The following ZCCHC7 variants were observed in gnomAD, a reference collection of about 807,000 sequenced individuals.
ZCCHC7 encodes the protein zinc finger CCHC-type containing 7.
A neutral mutation model predicts 52.0 loss-of-function variants in ZCCHC7; 35 were observed. The observed-to-expected ratio is 0.67, with a 90% confidence interval of 0.51 to 0.89. The LOEUF is 0.89. Among genes scored for constraint, ZCCHC7 ranks in the 40% least tolerant of loss-of-function variants. The pLI is 0.00. For synonymous variants in ZCCHC7, 217 were observed against 221.5 expected, an observed-to-expected ratio of 0.98 and a Z score of 0.18; for missense variants, 574 against 649.1, an observed-to-expected ratio of 0.88 and a Z score of 1.26.
chr9:37,354,054 G>A lies in ZCCHC7; in HGVS notation c.1084-656G>A, dbSNP rs1050114675. The stretch of plus-strand genomic sequence containing the variant: ...GTCATGAGAGTAGGAAGCTGTCCTG[G>A]GAAAATGAGTAAGAGTAGGGATTTC... On this transcript the variant is annotated intron_variant, in intron 7 of 8. Coordinates refer to ENST00000336755, the MANE Select transcript of ZCCHC7 (RefSeq NM_032226.3). This position sits in a 1 kb window ranked among gnomAD's most constrained non-coding sequence, Gnocchi z 4.0. Among the ~76,000 whole-genome samples, 1 of 152,098 alleles carries A rather than the reference G, an allele frequency of 6.6e-6. No homozygotes were observed. Among genetic ancestry groups the A allele is most frequent in the African/African-American group, 2.4e-5 (1 of 41,412 alleles).
chr9:37,129,734 T>G (rs759547407), intron 2 of ZCCHC7, among the ~76,000 whole-genome samples: 1 of 152,212 alleles, frequency 6.6e-6, no homozygotes, highest in Non-Finnish European at 1.5e-5. Context: ...AAAACTGCAG[T>G]ATGACATAAA....
At chr9:37,304,350 A>G in intron 4 of ZCCHC7, 37 bp downstream of exon 4, 1 of 1,606,310 alleles carries the variant, frequency 6.2e-7, no homozygotes, top group South Asian at 1.1e-5. Flanking sequence ...CCACATTTGT[A>G]AACTCAAAAT....
At chr9:37,310,613 TTATGAC>T (rs1829542647) in intron 5 of ZCCHC7, among the ~76,000 whole-genome samples, 1 of 152,170 alleles carries the variant, frequency 6.6e-6, no homozygotes, top group Non-Finnish European at 1.5e-5. Flanking sequence ...ATGCTATACT[TTATGAC>T]TATGTGGAGA....
intron 5 of ZCCHC7, among the ~76,000 whole-genome samples, chr9:37,316,975 GAATT>G (rs1410390510): frequency 6.6e-6 from 1 of 151,282 alleles, no homozygotes; most frequent in African/African-American, 2.4e-5. Flanking sequence ...CAAATGAAAT[GAATT>G]GTTTGTAGAA....
At chr9:37,250,300 C>CTT (rs1220457810) in intron 2 of ZCCHC7, among the ~76,000 whole-genome samples, 121 of 132,410 alleles carry the variant, frequency 9.1e-4, no homozygotes, top group African/African-American at 1.1e-3. Context: ...CTTTCTCTCT[C>CTT]TTTTTTTTTT....
Position 37,185,243 on chromosome 9 carries a change from C to A in ZCCHC7, c.610+58301C>A, listed in dbSNP as rs1425935922. 7.9e-5 allele frequency among the ~76,000 whole-genome samples: 12 copies of A among 152,280 alleles called. No individual in the cohort carries two copies. The East Asian group carries it at 2.3e-3, about 29-fold the overall frequency. On this transcript the variant is annotated intron_variant, in intron 2 of 8. Transcript: ENST00000336755. ...TCTCTTGCTATGTTAGGTACACATACTATAGGTGATCACCTCCTATCCCTT... is the reference window on the plus strand; with the variant it reads ...TCTCTTGCTATGTTAGGTACACATAATATAGGTGATCACCTCCTATCCCTT...
At chr9:37,259,531 C>T (rs1738755320) in intron 2 of ZCCHC7, among the ~76,000 whole-genome samples, 1 of 152,106 alleles carries the variant, frequency 6.6e-6, no homozygotes, top group African/African-American at 2.4e-5. Flanking sequence ...AGGCCTTGTA[C>T]TGATGCCACT....
At chr9:37,279,664 G>T (rs1376376870) in intron 2 of ZCCHC7, among the ~76,000 whole-genome samples, 1 of 150,932 alleles carries the variant, frequency 6.6e-6, no homozygotes, top group Non-Finnish European at 1.5e-5. Context: ...TTTGAGACAA[G>T]CCCAGGCAAC....
rs549683963 is a variant in ZCCHC7, at chr9:37,307,764, A to T, written c.951+2050A>T. Among the ~76,000 whole-genome samples the T allele has an allele frequency of 1.2e-4, 19 of 152,282 alleles. No homozygotes were observed. In the South Asian group the frequency reaches 3.7e-3, roughly 30 times the overall value. On this transcript the variant is annotated intron_variant, in intron 5 of 8. Transcript: ENST00000336755. ...TAGAGTATGAGTGTTTGGTATATAT[A>T]TGTATTTCTCATGTAAATAACATGA...
intron 2 of ZCCHC7, among the ~76,000 whole-genome samples, chr9:37,288,148 T>C (rs1329302604): frequency 2.6e-5 from 4 of 151,672 alleles, no homozygotes; most frequent in Non-Finnish European, 4.4e-5. Context: ...AGCATGGTGG[T>C]ACACACCTGT....
chr9:37,162,186 T>C (rs763320632), intron 2 of ZCCHC7, among the ~76,000 whole-genome samples: 15 of 152,046 alleles, frequency 9.9e-5, no homozygotes, highest in Non-Finnish European at 1.8e-4. Flanking sequence ...CATATATACT[T>C]ATATACTACA....
intron 2 of ZCCHC7, among the ~76,000 whole-genome samples, chr9:37,299,697 A>G (rs1300467870): frequency 6.6e-6 from 1 of 152,228 alleles, no homozygotes; most frequent in East Asian, 1.9e-4. Context: ...TGGCAGGGAC[A>G]AGAATTGCCT....
chr9:37,197,348 T>G (rs1823344052), intron 2 of ZCCHC7, among the ~76,000 whole-genome samples: 1 of 152,200 alleles, frequency 6.6e-6, no homozygotes. Flanking sequence ...GGGAATAATA[T>G]AAACATGCTA....
At chr9:37,342,743 A>G (rs1373879015) in intron 6 of ZCCHC7, among the ~76,000 whole-genome samples, 4 of 152,242 alleles carry the variant, frequency 2.6e-5, no homozygotes, top group Non-Finnish European at 4.4e-5. Flanking sequence ...GCCTCACAGC[A>G]GTGTTAATGA....
intron 6 of ZCCHC7, among the ~76,000 whole-genome samples, chr9:37,340,408 C>CA (rs80043124): frequency 0.058 from 7,857 of 136,578 alleles, 657 homozygotes; most frequent in African/African-American, 0.19. Flanking sequence ...TGTCTGCAAC[C>CA]AAAAAAAAAA....
intron 2 of ZCCHC7, among the ~76,000 whole-genome samples, chr9:37,210,157 T>C (rs1824137222): frequency 6.6e-6 from 1 of 152,210 alleles, no homozygotes; most frequent in South Asian, 2.1e-4. Flanking sequence ...CTCATCTCCC[T>C]GGCTTCTTTT....
intron 2 of ZCCHC7, among the ~76,000 whole-genome samples, chr9:37,273,232 G>C (rs145288715): frequency 1.3e-5 from 2 of 152,102 alleles, no homozygotes; most frequent in Non-Finnish European, 2.9e-5. Context: ...GGCTGGGCGC[G>C]GTGGCTCACA....
rs1163103156 is a variant in ZCCHC7, at chr9:37,261,982, G to C, written c.611-40206G>C. Among the ~76,000 whole-genome samples the C allele has an allele frequency of 2.0e-5, 3 of 152,112 alleles. No homozygotes were observed. In the East Asian group the frequency reaches 5.8e-4, roughly 29 times the overall value. On this transcript the variant is annotated intron_variant, in intron 2 of 8. Transcript: ENST00000336755. ...TTATCCGCACACTCATTGCGTGAAAGATTTCAGCCTATAAGGAAGAAATTA... is the reference window on the plus strand; with the variant it reads ...TTATCCGCACACTCATTGCGTGAAACATTTCAGCCTATAAGGAAGAAATTA...
chr9:37,134,222 A>T (rs1224665352), intron 2 of ZCCHC7, among the ~76,000 whole-genome samples: 2 of 151,470 alleles, frequency 1.3e-5, no homozygotes, highest in Non-Finnish European at 2.9e-5. Context: ...AGTATCCTTT[A>T]ATGTATAGGT....
Sources: allele counts gnomAD v4.1 joint callset (sites outside exome capture counted in the v4.1 genomes callset), GRCh38; gene constraint gnomAD v4.1.1; non-coding constraint Gnocchi (gnomAD v3.1); transcripts MANE v1.5; gene names NCBI Gene and HGNC (gene_info 2026-07-23, HGNC 2026-07-21).